LSAMP: variants seen among roughly 807,000 people sequenced by gnomAD.
LSAMP encodes the protein limbic system-associated membrane protein.
A neutral mutation model predicts 38.6 loss-of-function variants in LSAMP; 7 were observed. The ratio of observed to expected loss-of-function variants is 0.18; its 90% CI spans 0.10 to 0.34. The LOEUF is 0.34. Ranked by LOEUF, LSAMP falls within the 10% of genes least tolerant of loss-of-function variation. LSAMP has a pLI of 1.00. For missense variants in LSAMP, 313 were observed against 420.0 expected (o/e 0.75, Z 2.23); for synonymous variants, 154 against 166.8 (o/e 0.92, Z 0.59).
chr3:116,344,234 T>C, intron 1 of LSAMP, among the ~76,000 whole-genome samples: 1 of 152,100 alleles, frequency 6.6e-6, no homozygotes, highest in Non-Finnish European at 1.5e-5. Flanking sequence ...CCAACTCTGC[T>C]GTGATTACAC....
intron 3 of LSAMP, among the ~76,000 whole-genome samples, chr3:115,957,592 T>C (rs1938492601): frequency 6.6e-6 from 1 of 152,170 alleles, no homozygotes. Context: ...ATGTCACCAT[T>C]GTATGCTTTG....
At chr3:116,392,971 C>T (rs888597439) in intron 1 of LSAMP, among the ~76,000 whole-genome samples, 2 of 152,104 alleles carry the variant, frequency 1.3e-5, no homozygotes, top group Non-Finnish European at 2.9e-5. Context: ...CTTGATGGGA[C>T]ACCTTGGCTA....
At chr3:116,058,937 C>CA (rs1318502645) in intron 2 of LSAMP, among the ~76,000 whole-genome samples, 23 of 113,302 alleles carry the variant, frequency 2.0e-4, no homozygotes, top group East Asian at 2.1e-4. Context: ...TTTGTTTGTT[C>CA]GTTTTTTTTT....
At chr3:116,153,563 A>C (rs1381104115) in intron 1 of LSAMP, among the ~76,000 whole-genome samples, 2 of 152,130 alleles carry the variant, frequency 1.3e-5, no homozygotes, top group Non-Finnish European at 2.9e-5. Context: ...TTCGTGGAAA[A>C]CTATGTGTCC....
intron 1 of LSAMP, among the ~76,000 whole-genome samples, chr3:116,129,617 CT>C (rs1395568426): frequency 6.6e-6 from 1 of 152,194 alleles, no homozygotes; most frequent in Non-Finnish European, 1.5e-5. Context: ...AAATGAACAC[CT>C]TTTCCCCTAT....
chr3:116,114,501 C>T (rs1426148169), intron 1 of LSAMP, among the ~76,000 whole-genome samples: 1 of 147,726 alleles, frequency 6.8e-6, no homozygotes, highest in African/African-American at 2.5e-5. Context: ...TCCAGAAATG[C>T]TTTTTTTTTT....
chr3:116,132,542 C>T (rs1271204140), intron 1 of LSAMP, among the ~76,000 whole-genome samples: 2 of 152,244 alleles, frequency 1.3e-5, no homozygotes, highest in East Asian at 1.9e-4. Flanking sequence ...TCTTCCACCA[C>T]ATAACATGTT....
At chr3:116,359,662 T>C (rs750204394) in intron 1 of LSAMP, among the ~76,000 whole-genome samples, 3 of 152,160 alleles carry the variant, frequency 2.0e-5, no homozygotes, top group Non-Finnish European at 4.4e-5. Context: ...GGTAAACATA[T>C]GTCATGGTGG....
At chr3:116,032,114 A>G (rs1351095472) in intron 2 of LSAMP, among the ~76,000 whole-genome samples, 2 of 151,904 alleles carry the variant, frequency 1.3e-5, no homozygotes, top group South Asian at 2.1e-4. Context: ...TATGAGTTAG[A>G]TTTTTTTTCC....
At chr3:115,902,306 A>T (rs947966330) in intron 3 of LSAMP, among the ~76,000 whole-genome samples, 2 of 152,106 alleles carry the variant, frequency 1.3e-5, no homozygotes, top group Non-Finnish European at 2.9e-5. Context: ...TGTATTGGAA[A>T]AGACAACAAT....
At chr3:115,928,147 A>G (rs2107534031) in intron 3 of LSAMP, among the ~76,000 whole-genome samples, 1 of 152,332 alleles carries the variant, frequency 6.6e-6, no homozygotes, top group Non-Finnish European at 1.5e-5. Context: ...AAAATTAAAT[A>G]AAACCAAGAA....
At chr3:115,939,797 C>T (rs564152423) in intron 3 of LSAMP, among the ~76,000 whole-genome samples, 55 of 152,114 alleles carry the variant, frequency 3.6e-4, no homozygotes, top group South Asian at 1.7e-3. Context: ...TGGGCTCAAA[C>T]GATCATCCTG....
chr3:116,264,988 C>A, intron 1 of LSAMP, among the ~76,000 whole-genome samples: 1 of 152,232 alleles, frequency 6.6e-6, no homozygotes, highest in South Asian at 2.1e-4. Flanking sequence ...TTTGGTTTTT[C>A]CTGTGAGCAG....
At position 115,852,565 on chromosome 3, in the gene LSAMP, C is replaced by T. The variant is rs752893937; in HGVS notation, c.567G>A (p.Arg189=). ...TGCACTCATATTTGCCTGACTGCTC[C>T]CTGGTGATGCCAAGGATCTCCAGAT... ...EEYLEILGIT[R]EQSGKYECKA... is the part of the protein sequence containing the mutation. The change falls in exon 4 of 7, where the codon AGG becomes AGA. Residue 189 remains arginine, a synonymous_variant. Transcript: ENST00000490035. 1.5e-5 allele frequency: 24 copies of T among 1,613,884 alleles called. No homozygotes were observed. Among genetic ancestry groups the T allele is most frequent in the Non-Finnish European group, 2.0e-5 (24 of 1,179,914 alleles).
chr3:116,228,888 G>T (rs757193852), intron 1 of LSAMP, among the ~76,000 whole-genome samples: 37 of 152,134 alleles, frequency 2.4e-4, no homozygotes, highest in Middle Eastern at 3.4e-3. Context: ...TTTCCTACAG[G>T]CTCTTTCAAA....
At chr3:116,077,819 T>A (rs1443383720) in intron 2 of LSAMP, among the ~76,000 whole-genome samples, 1 of 152,234 alleles carries the variant, frequency 6.6e-6, no homozygotes, top group Non-Finnish European at 1.5e-5. Context: ...CTCTCTTGAC[T>A]TTTATAACCT....
chr3:115,993,283 A>T (rs1189971784), intron 3 of LSAMP, among the ~76,000 whole-genome samples: 1 of 152,070 alleles, frequency 6.6e-6, no homozygotes, highest in Admixed American at 6.6e-5. Context: ...AAAATCCTAC[A>T]CATCCTCATA....
At chr3:116,168,039 C>T (rs1710103190) in intron 1 of LSAMP, among the ~76,000 whole-genome samples, 1 of 152,102 alleles carries the variant, frequency 6.6e-6, no homozygotes, top group Non-Finnish European at 1.5e-5. Context: ...GCAGGTTGAG[C>T]CCATATTCCT....
chr3:116,261,157 T>C (rs1333494875), intron 1 of LSAMP, among the ~76,000 whole-genome samples: 1 of 152,230 alleles, frequency 6.6e-6, no homozygotes, highest in African/African-American at 2.4e-5. Flanking sequence ...TGATCATGCA[T>C]ATTCCTTCCT....
Sources: allele counts gnomAD v4.1 joint callset (sites outside exome capture counted in the v4.1 genomes callset), GRCh38; gene constraint gnomAD v4.1.1; transcripts MANE v1.5; gene names NCBI Gene and HGNC (gene_info 2026-07-23, HGNC 2026-07-21).